Variants in RYR2 observed in about 807,000 individuals in gnomAD.
The protein encoded by RYR2 is cardiac muscle ryanodine receptor-calcium release channel.
RYR2 carries 227 observed loss-of-function variants against 601.1 expected under a neutral mutation model. That is an observed-to-expected ratio of 0.38 (90% confidence interval 0.34 to 0.42). The LOEUF (loss-of-function observed/expected upper bound fraction) is 0.42. Ranked by LOEUF, RYR2 falls within the 10% of genes least tolerant of loss-of-function variation. RYR2 has a pLI of 1.00. For missense variants in RYR2, 4,646 were observed against 6,156.5 expected, an observed-to-expected ratio of 0.75 and a Z score of 8.21; for synonymous variants, 2,223 against 2,175.1, an observed-to-expected ratio of 1.02 and a Z score of -0.61.
At position 237,566,599 on chromosome 1, in the gene RYR2, G is replaced by A; in HGVS notation, c.3247G>A (p.Glu1083Lys). 6.2e-7 allele frequency: 1 copy of A among 1,613,978 alleles called. No individual in the cohort carries two copies. Among genetic ancestry groups the A allele is most frequent in the Non-Finnish European group, 8.5e-7 (1 of 1,179,870 alleles). The change falls in exon 28 of 105, where the codon GAA becomes AAA. Residue 1083 changes from glutamate (E) to lysine (K), a missense_variant. This residue lies in a region of RYR2 where 1,807 missense variants were observed against 2,088.1 expected (regional missense o/e 0.87). Transcript: ENST00000366574. ...ARAEVCSGTG[E>K]RFRIFRAEKT... Reference sequence around the variant, plus strand: ...AGCCGAAGTGTGCAGCGGCACCGGGGAAAGGTTCCGAATCTTCCGTGCCGA... The same window carrying A: ...AGCCGAAGTGTGCAGCGGCACCGGGAAAAGGTTCCGAATCTTCCGTGCCGA...
At chr1:237,698,420 G>C (rs990150220) in intron 63 of RYR2, among the ~76,000 whole-genome samples, 7 of 151,526 alleles carry the variant, frequency 4.6e-5, no homozygotes, top group Non-Finnish European at 1.5e-5. Flanking sequence ...TTTACATGAC[G>C]TTTTGGTGCT....
intron 3 of RYR2, among the ~76,000 whole-genome samples, chr1:237,343,821 G>GTTTTTTTTTTTTTTTTTTTTTTTTTTTT (rs201175386): frequency 7.6e-6 from 1 of 131,512 alleles, no homozygotes; most frequent in Non-Finnish European, 1.7e-5. Flanking sequence ...GAGGTTTTTT[G>GTTTTTTTTTTTTTTTTTTTTTTTTTTTT]TTTTTTTTTT....
intron 89 of RYR2, 29 bp downstream of exon 89, chr1:237,781,675 C>CTT (rs761163746): frequency 8.6e-7 from 1 of 1,166,426 alleles, no homozygotes; most frequent in Non-Finnish European, 1.3e-6. Context: ...TTTAAATTCT[C>CTT]TTTATTATCT....
At chr1:237,402,388 T>TAA (rs759222041) in intron 10 of RYR2, among the ~76,000 whole-genome samples, 8 of 141,138 alleles carry the variant, frequency 5.7e-5, no homozygotes, top group African/African-American at 2.1e-4. Flanking sequence ...CCCTATCTCT[T>TAA]AAAAAAAAAA....
intron 63 of RYR2, among the ~76,000 whole-genome samples, chr1:237,692,017 C>G (rs1686985616): frequency 6.6e-6 from 1 of 152,142 alleles, no homozygotes. Flanking sequence ...GATACATTAG[C>G]CCTTCTATTA....
At chr1:237,204,549 G>A in intron 1 of RYR2, among the ~76,000 whole-genome samples, 1 of 151,304 alleles carries the variant, frequency 6.6e-6, no homozygotes, top group East Asian at 1.9e-4. Context: ...TCCTGCAAAT[G>A]CATTCAGGTG....
In RYR2 at chr1:237,393,628, T is replaced by C. The variant is rs147492230; in HGVS notation, c.773+5445T>C. The stretch of plus-strand genomic sequence containing the variant: ...TGAGGGTTTTTCTTCTTTTTCTCTG[T>C]CTTCAGGTCCTGCATATATCTTTTC... On this transcript the variant is annotated intron_variant, in intron 10 of 104. Coordinates refer to ENST00000366574, the MANE Select transcript of RYR2 (RefSeq NM_001035.3). Among the ~76,000 whole-genome samples the C allele has an allele frequency of 2.0e-3, 304 of 152,372 alleles. 1 individual carries two copies. Among genetic ancestry groups the C allele is most frequent in the African/African-American group, 7.1e-3 (295 of 41,588 alleles).
chr1:237,716,434 G>T (rs1375254084), intron 71 of RYR2, among the ~76,000 whole-genome samples: 2 of 152,084 alleles, frequency 1.3e-5, no homozygotes, highest in African/African-American at 4.8e-5. Flanking sequence ...CAAATAAGTG[G>T]ATGTGGGACA....
chr1:237,778,633 G>A (rs369997960), intron 87 of RYR2, 33 bp from the exon 88 acceptor site: 49 of 1,136,234 alleles, frequency 4.3e-5, no homozygotes, highest in Non-Finnish European at 6.2e-5. Flanking sequence ...TAAATTATGA[G>A]GAATAATTGC....
intron 92 of RYR2, among the ~76,000 whole-genome samples, chr1:237,789,845 A>G (rs888455399): frequency 1.3e-5 from 2 of 152,166 alleles, no homozygotes; most frequent in African/African-American, 2.4e-5. Context: ...CTTTTCCCCT[A>G]AGTGAGAGCT....
intron 63 of RYR2, among the ~76,000 whole-genome samples, chr1:237,694,312 A>G (rs916911420): frequency 1.4e-5 from 2 of 148,120 alleles, no homozygotes; most frequent in Non-Finnish European, 3.0e-5. Context: ...AAAAAAAAAG[A>G]AAAATTACTT....
At chr1:237,602,640 T>G (rs1234945583) in intron 35 of RYR2, among the ~76,000 whole-genome samples, 1 of 152,178 alleles carries the variant, frequency 6.6e-6, no homozygotes, top group East Asian at 1.9e-4. Context: ...AGAGTGAACA[T>G]GCTGAAGGTT....
At chr1:237,484,893 G>GAAA (rs1662512289) in intron 17 of RYR2, among the ~76,000 whole-genome samples, 1 of 151,548 alleles carries the variant, frequency 6.6e-6, no homozygotes, top group Admixed American at 6.6e-5. Flanking sequence ...TAGACATTTA[G>GAAA]TTACATCCTT....
chr1:237,255,961 G>A (rs937342960), intron 1 of RYR2, among the ~76,000 whole-genome samples: 1 of 151,904 alleles, frequency 6.6e-6, no homozygotes, highest in Non-Finnish European at 1.5e-5. Flanking sequence ...GGAGAAGTCA[G>A]CCAGGTGATT....
intron 29 of RYR2, among the ~76,000 whole-genome samples, chr1:237,581,532 T>C (rs1673914043): frequency 6.6e-6 from 1 of 152,124 alleles, no homozygotes; most frequent in South Asian, 2.1e-4. Flanking sequence ...ATGCTGCTGT[T>C]TTAGAAAAAA....
intron 99 of RYR2, among the ~76,000 whole-genome samples, chr1:237,807,935 T>C (rs1660822939): frequency 1.3e-5 from 2 of 152,184 alleles, no homozygotes; most frequent in Non-Finnish European, 2.9e-5. Context: ...AAATACATTT[T>C]CACCAACTGG....
chr1:237,576,526 G>A (rs1340151592), intron 29 of RYR2, among the ~76,000 whole-genome samples: 1 of 151,980 alleles, frequency 6.6e-6, no homozygotes, highest in East Asian at 1.9e-4. Flanking sequence ...TGACAAATGG[G>A]GATCTGTAGT....
intron 1 of RYR2, among the ~76,000 whole-genome samples, chr1:237,083,388 C>T (rs1391694023): frequency 6.6e-6 from 1 of 152,122 alleles, no homozygotes; most frequent in Non-Finnish European, 1.5e-5. Context: ...AGGTAACCCT[C>T]CCTCAGCACT....
intron 24 of RYR2, among the ~76,000 whole-genome samples, chr1:237,515,998 CTCT>C (rs1208509180): frequency 6.9e-5 from 10 of 145,584 alleles, no homozygotes; most frequent in African/African-American, 1.5e-4. Flanking sequence ...CTTCTTTTTT[CTCT>C]TCTTCTTCTT....
Sources: gnomAD v4.1 joint callset for allele counts (sites outside exome capture counted in the v4.1 genomes callset) on GRCh38, gnomAD v4.1.1 for gene constraint, gnomAD v4.1.1 regional missense constraint, MANE v1.5 for transcripts, NCBI Gene and HGNC (gene_info 2026-07-23, HGNC 2026-07-21) for gene names.